The following TOMM20 variants were observed in gnomAD, a reference collection of about 807,000 sequenced individuals.
The protein encoded by TOMM20 is translocase of outer mitochondrial membrane 20, also known as mitochondrial import receptor subunit TOM20 homolog.
A neutral mutation model predicts 22.1 loss-of-function variants in TOMM20; 10 were observed. That is an observed-to-expected ratio of 0.45 (90% confidence interval 0.28 to 0.77). The LOEUF (loss-of-function observed/expected upper bound fraction) is 0.77. Among genes scored for constraint, TOMM20 ranks in the 30% least tolerant of loss-of-function variants. The pLI is 0.13. For synonymous variants in TOMM20, 55 were observed against 61.4 expected (o/e 0.90, Z 0.49); for missense variants, 121 against 172.2 (o/e 0.70, Z 1.66).
At chr1:235,115,145 G>A (rs1290145950) in intron 3 of TOMM20, among the ~76,000 whole-genome samples, 3 of 151,864 alleles carry the variant, frequency 2.0e-5, no homozygotes, top group African/African-American at 7.3e-5. Flanking sequence ...CCAATGTGCT[G>A]AGATTACAGG....
rs906430772 is a variant in TOMM20 at position 235,109,988 on chromosome 1, G to A, written c.*2076C>T. ...ATAGTGTTTGGCAATTACATTTCTG[G>A]GAGAAAAAACTGCTGATTTTTTCTT... On this transcript the variant is annotated 3_prime_UTR_variant, in exon 5 of 5. Transcript: ENST00000366607. 2.0e-5 allele frequency: 3 copies of A among 151,990 alleles called. No individual in the cohort carries two copies. The highest frequency in any genetic ancestry group is 1.9e-4 in the East Asian group (1 of 5,192). 9.4% of individuals were successfully genotyped at this position (151,990 alleles called of 1,614,324 possible).
chr1:235,117,134 C>CAAAAAA (rs869235889), intron 3 of TOMM20, among the ~76,000 whole-genome samples: 7 of 30,388 alleles, frequency 2.3e-4, no homozygotes, highest in Non-Finnish European at 2.8e-4. Context: ...GACTCCATCT[C>CAAAAAA]AAAAAAAAAA....
At chr1:235,113,942 T>C in intron 3 of TOMM20, 32 bp from the exon 4 acceptor site, 1 of 1,537,652 alleles carries the variant, frequency 6.5e-7, no homozygotes, top group South Asian at 1.2e-5. Context: ...ACATGTAACC[T>C]GAAAAGCCTT....
intron 3 of TOMM20, among the ~76,000 whole-genome samples, chr1:235,119,042 T>C (rs1227084515): frequency 6.6e-6 from 1 of 152,250 alleles, no homozygotes; most frequent in Non-Finnish European, 1.5e-5. Context: ...CCCCACATCA[T>C]GTAGTTCAAT....
intron 3 of TOMM20, among the ~76,000 whole-genome samples, chr1:235,117,027 C>G (rs1227480100): frequency 7.1e-6 from 1 of 141,652 alleles, no homozygotes; most frequent in Non-Finnish European, 1.5e-5. Context: ...CCCAGCTACT[C>G]GGGAGGCTGA....
intron 3 of TOMM20, among the ~76,000 whole-genome samples, chr1:235,116,577 T>A (rs1660831670): frequency 6.6e-6 from 1 of 151,430 alleles, no homozygotes; most frequent in South Asian, 2.1e-4. Flanking sequence ...CACACGCCTG[T>A]AATCCCAGCT....
chr1:235,127,208 T>C (rs1400064065), intron 1 of TOMM20, among the ~76,000 whole-genome samples: 1 of 152,158 alleles, frequency 6.6e-6, no homozygotes, highest in Non-Finnish European at 1.5e-5. Context: ...CCAGCATTTA[T>C]GGAGGAGCAT....
intron 2 of TOMM20, 74 bp downstream of exon 2, chr1:235,122,252 T>A: frequency 7.7e-7 from 1 of 1,302,148 alleles, no homozygotes; most frequent in South Asian, 1.9e-5. Flanking sequence ...TACATTTTAA[T>A]TACATTTCCA....
At chr1:235,113,077 T>C (rs1660766156) in intron 4 of TOMM20, among the ~76,000 whole-genome samples, 1 of 152,194 alleles carries the variant, frequency 6.6e-6, no homozygotes, top group African/African-American at 2.4e-5. Context: ...ATTCACTGTT[T>C]TAATCACACC....
At chr1:235,119,120 G>GC (rs1412943207) in intron 3 of TOMM20, among the ~76,000 whole-genome samples, 3 of 152,162 alleles carry the variant, frequency 2.0e-5, no homozygotes, top group Non-Finnish European at 4.4e-5. Context: ...AATAACGATA[G>GC]CAACTACTTC....
At chr1:235,125,702 A>ACC (rs1302936281) in intron 1 of TOMM20, among the ~76,000 whole-genome samples, 3 of 150,554 alleles carry the variant, frequency 2.0e-5, no homozygotes, top group Non-Finnish European at 4.4e-5. Context: ...AAGGCAAAAT[A>ACC]CCCCTAAACT....
chr1:235,117,475 CAA>C lies in TOMM20; in HGVS notation c.250+2341_250+2342del, dbSNP rs11307835. 3.4e-3 allele frequency among the ~76,000 whole-genome samples: 458 copies of C among 136,106 alleles called. 1 individual carries two copies. The highest frequency in any genetic ancestry group is 0.01 in the African/African-American group (368 of 36,676). The allele number at this position is 136,106 out of a possible 152,430, so 89.3% of individuals were successfully genotyped here. A position where few individuals can be genotyped will look rare whatever the true frequency, so the allele number is the denominator to read the frequency against. On this transcript the variant is annotated intron_variant, in intron 3 of 4. Transcript: ENST00000366607. Reference sequence around the variant, plus strand: ...GAGTAAAACTCCACTTCAAAAAAAACAAAAAAAAAAAAAAAGGAGAAAACAGT... The same window carrying C: ...GAGTAAAACTCCACTTCAAAAAAAACAAAAAAAAAAAAAGGAGAAAACAGT...
At chr1:235,117,475 C>CA (rs11307835) in intron 3 of TOMM20, among the ~76,000 whole-genome samples, 254 of 136,132 alleles carry the variant, frequency 1.9e-3, no homozygotes, top group African/African-American at 4.1e-3. Context: ...TCAAAAAAAA[C>CA]AAAAAAAAAA....
intron 3 of TOMM20, among the ~76,000 whole-genome samples, chr1:235,115,642 A>G (rs554723347): frequency 6.6e-6 from 1 of 152,306 alleles, no homozygotes; most frequent in South Asian, 2.1e-4. Context: ...GAAATAAATA[A>G]AAATAAAAAA....
At chr1:235,127,553 T>C (rs1661044486) in intron 1 of TOMM20, among the ~76,000 whole-genome samples, 2 of 152,214 alleles carry the variant, frequency 1.3e-5, no homozygotes, top group African/African-American at 4.8e-5. Flanking sequence ...TTAGTATAGC[T>C]GAATTAAACC....
chr1:235,115,646 TA>T (rs943671418), intron 3 of TOMM20, among the ~76,000 whole-genome samples: 1 of 152,042 alleles, frequency 6.6e-6, no homozygotes, highest in African/African-American at 2.4e-5. Flanking sequence ...TAAATAAAAA[TA>T]AAAAAATAAT....
chr1:235,119,219 G>A (rs781262437), intron 3 of TOMM20: 6 of 152,166 alleles, frequency 3.9e-5, no homozygotes, highest in Non-Finnish European at 7.4e-5. Context: ...TTTAAAGATA[G>A]AATATTTTTT....
intron 1 of TOMM20, among the ~76,000 whole-genome samples, chr1:235,124,155 T>C (rs1373173756): frequency 1.3e-5 from 2 of 152,218 alleles, no homozygotes; most frequent in African/African-American, 4.8e-5. Context: ...AAGACCAGCC[T>C]GGTTGATACG....
chr1:235,127,332 C>T (rs1661041309), intron 1 of TOMM20, among the ~76,000 whole-genome samples: 1 of 152,146 alleles, frequency 6.6e-6, no homozygotes. Context: ...ATTCAGAAAC[C>T]CCAAATTATG....
Sources: gnomAD v4.1 joint callset for allele counts (sites outside exome capture counted in the v4.1 genomes callset) on GRCh38, gnomAD v4.1.1 for gene constraint, MANE v1.5 for transcripts, NCBI Gene and HGNC (gene_info 2026-07-23, HGNC 2026-07-21) for gene names.